Variants in STPG2 observed in about 807,000 individuals in gnomAD.
STPG2 encodes sperm tail PG-rich repeat containing 2, also known as sperm-tail PG-rich repeat-containing protein 2.
Under a neutral mutation model 54.2 loss-of-function variants are expected in STPG2, and 56 were observed. The ratio of observed to expected loss-of-function variants is 1.03; its 90% confidence interval spans 0.83 to 1.29. The LOEUF (loss-of-function observed/expected upper bound fraction) is 1.29. Ranked by LOEUF, STPG2 falls within the 50% of genes most tolerant of loss-of-function variation. The pLI is 0.00. For synonymous variants in STPG2, 200 were observed against 181.8 expected, an observed-to-expected ratio of 1.10 and a Z score of -0.81; for missense variants, 596 against 544.9, an observed-to-expected ratio of 1.09 and a Z score of -0.93.
In STPG2 at chr4:98,069,356, A is replaced by C. The variant is rs551283550; in HGVS notation, c.612+36597T>G. 9.2e-5 allele frequency among the ~76,000 whole-genome samples: 14 copies of C among 152,166 alleles called. No homozygotes were observed. In the South Asian group the frequency reaches 2.9e-3, roughly 32 times the overall value. ...GCAAACTTTTACGCCACAATAAATAACTGTAGGAAACTATATTTTAATTTT... is the reference window on the plus strand; with the variant it reads ...GCAAACTTTTACGCCACAATAAATACCTGTAGGAAACTATATTTTAATTTT... On this transcript the variant is annotated intron_variant, in intron 5 of 10. Coordinates refer to ENST00000295268, the MANE Select transcript of STPG2 (RefSeq NM_174952.3).
chr4:97,460,482 T>TTAA (rs1729636150), intron 4 of STPG2, among the ~76,000 whole-genome samples: 1 of 152,122 alleles, frequency 6.6e-6, no homozygotes, highest in Admixed American at 6.5e-5. Context: ...TCACTTATTT[T>TTAA]GGGACAATCT....
At chr4:98,103,668 A>AT (rs1224000119) in intron 5 of STPG2, among the ~76,000 whole-genome samples, 1 of 150,312 alleles carries the variant, frequency 6.7e-6, no homozygotes, top group African/African-American at 2.4e-5. Context: ...ATAAAATAAA[A>AT]TAAATAAAAA....
chr4:97,993,343 A>C (rs1735081777), intron 5 of STPG2, among the ~76,000 whole-genome samples: 1 of 151,966 alleles, frequency 6.6e-6, no homozygotes, highest in African/African-American at 2.4e-5. Flanking sequence ...GAGATGATCA[A>C]GTGATTTTTA....
At chr4:97,749,355 G>A (rs1435297239) in intron 9 of STPG2, among the ~76,000 whole-genome samples, 1 of 151,584 alleles carries the variant, frequency 6.6e-6, no homozygotes, top group African/African-American at 2.4e-5. Context: ...CATAAGAGTG[G>A]CTTCACTCAC....
At chr4:98,044,276 GT>G (rs1411436975) in intron 5 of STPG2, among the ~76,000 whole-genome samples, 1 of 151,934 alleles carries the variant, frequency 6.6e-6, no homozygotes, top group Non-Finnish European at 1.5e-5. Flanking sequence ...TTACCAACAA[GT>G]TTCATACTTT....
chr4:97,530,563 T>C lies in STPG2; in HGVS notation c.462+182136A>G, dbSNP rs142330617. On this transcript the variant is annotated intron_variant, in intron 4 of 4. Transcript: ENST00000522676. ...GATGGATTAAAAAAGTGAATATCATTCACTGATCAATATTTTTTAAAAATC... is the reference window on the plus strand; with the variant it reads ...GATGGATTAAAAAAGTGAATATCATCCACTGATCAATATTTTTTAAAAATC... Among the ~76,000 whole-genome samples the C allele has an allele frequency of 4.7e-3, 713 of 152,122 alleles. 9 individuals carry two copies. The highest frequency in any genetic ancestry group is 0.016 in the African/African-American group (667 of 41,498).
intron 8 of STPG2, among the ~76,000 whole-genome samples, chr4:97,885,510 T>A (rs566535473): frequency 2.6e-5 from 4 of 152,282 alleles, no homozygotes; most frequent in Admixed American, 2.6e-4. Context: ...ATTGACCACA[T>A]TAAATCCAGG....
At chr4:97,471,226 G>A (rs779835442) in intron 4 of STPG2, among the ~76,000 whole-genome samples, 1 of 152,104 alleles carries the variant, frequency 6.6e-6, no homozygotes, top group African/African-American at 2.4e-5. Flanking sequence ...TAAAACTGCA[G>A]AAAACGTAAC....
rs544792673 is a variant in STPG2 at position 97,444,367 on chromosome 4, C to CT, written c.463-256535dup. ...TCTAAGAGGATTAGAGTAAAATTGA[C>CT]TTTTTTTAACGCATAAAAAAGTTGT... On this transcript the variant is annotated intron_variant, in intron 4 of 4. Coordinates refer to the STPG2 transcript ENST00000522676. Among the ~76,000 whole-genome samples, 282 of 152,172 alleles carry CT rather than the reference C, an allele frequency of 1.9e-3. 1 individual carries two copies. The highest frequency in any genetic ancestry group is 6.4e-3 in the African/African-American group (267 of 41,554).
chr4:97,975,149 C>A (rs917456636), intron 6 of STPG2, among the ~76,000 whole-genome samples: 2 of 152,050 alleles, frequency 1.3e-5, no homozygotes, highest in African/African-American at 2.4e-5. Flanking sequence ...AGATTAACTG[C>A]AAAGGAACAT....
intron 8 of STPG2, among the ~76,000 whole-genome samples, chr4:97,902,932 G>GAT (rs1731233969): frequency 1.3e-5 from 2 of 151,938 alleles, no homozygotes; most frequent in South Asian, 2.1e-4. Flanking sequence ...GAGAAAATGT[G>GAT]ATATATATAT....
chr4:97,981,833 TTATATATA>T (rs3047345), intron 5 of STPG2, among the ~76,000 whole-genome samples: 13 of 143,380 alleles, frequency 9.1e-5, no homozygotes, highest in African/African-American at 3.1e-4. Flanking sequence ...TATAAAATGT[TTATATATA>T]TATATATATA....
At chr4:98,016,287 A>T (rs534660070) in intron 5 of STPG2, among the ~76,000 whole-genome samples, 1 of 152,150 alleles carries the variant, frequency 6.6e-6, no homozygotes, top group Non-Finnish European at 1.5e-5. Flanking sequence ...TTTGAGCTTC[A>T]TGGATCTGGA....
chr4:97,768,042 C>T (rs1232543836), intron 9 of STPG2, among the ~76,000 whole-genome samples: 1 of 151,976 alleles, frequency 6.6e-6, no homozygotes, highest in Admixed American at 6.6e-5. Context: ...TGGCGGGCGT[C>T]TGTAGTCCCA....
intron 5 of STPG2, among the ~76,000 whole-genome samples, chr4:98,055,208 T>G (rs1319434926): frequency 6.6e-6 from 1 of 152,034 alleles, no homozygotes; most frequent in African/African-American, 2.4e-5. Context: ...AAATGTGGAA[T>G]TCCTTGTTCA....
At chr4:98,062,167 G>A (rs1473814825) in intron 5 of STPG2, among the ~76,000 whole-genome samples, 1 of 152,158 alleles carries the variant, frequency 6.6e-6, no homozygotes, top group East Asian at 1.9e-4. Flanking sequence ...GGAGTTGGAG[G>A]CTATTATCCT....
intron 9 of STPG2, among the ~76,000 whole-genome samples, chr4:97,766,276 C>T (rs556844964): frequency 6.6e-5 from 10 of 151,880 alleles, no homozygotes; most frequent in South Asian, 6.2e-4. Context: ...AATTGGCAAA[C>T]GGAGGAAAGG....
intron 5 of STPG2, among the ~76,000 whole-genome samples, chr4:98,024,900 A>T (rs975263192): frequency 4.1e-5 from 6 of 146,802 alleles, no homozygotes; most frequent in Non-Finnish European, 9.2e-5. Context: ...GTCCAGAAAT[A>T]GGCTATGTAA....
intron 4 of STPG2, among the ~76,000 whole-genome samples, chr4:97,519,454 AC>A (rs1247711431): frequency 6.6e-6 from 1 of 152,040 alleles, no homozygotes; most frequent in Non-Finnish European, 1.5e-5. Context: ...CCACTGAGAT[AC>A]CCAGAACTCC....
Sources: allele counts gnomAD v4.1 joint callset (sites outside exome capture counted in the v4.1 genomes callset), GRCh38; gene constraint gnomAD v4.1.1; transcripts MANE v1.5; gene names NCBI Gene and HGNC (gene_info 2026-07-23, HGNC 2026-07-21).